The following LOC400499 variants were observed in gnomAD, a reference collection of about 807,000 sequenced individuals.
chr16:11,387,668 C>T, the LOC400499 span, among the ~76,000 whole-genome samples: 3 of 151,914 alleles, frequency 2.0e-5, no homozygotes, highest in East Asian at 5.8e-4. Flanking sequence ...CATTCTGTCG[C>T]CCAGGCTGGA....
At chr16:11,420,921 G>C in the LOC400499 span, among the ~76,000 whole-genome samples, 42 of 152,316 alleles carry the variant, frequency 2.8e-4, no homozygotes, top group Non-Finnish European at 4.1e-4. Context: ...AGGTCTGCTG[G>C]GCTCTGATCA....
At chr16:11,381,623 C>T in the LOC400499 span, among the ~76,000 whole-genome samples, 1 of 152,152 alleles carries the variant, frequency 6.6e-6, no homozygotes, top group Non-Finnish European at 1.5e-5. Context: ...TCGGTGGATC[C>T]CTTGAGTAAG....
the LOC400499 span, chr16:11,390,064 G>A: frequency 2.5e-6 from 3 of 1,190,336 alleles, no homozygotes; most frequent in Middle Eastern, 3.2e-4. Flanking sequence ...CCTGGTATGT[G>A]GCAGGCACGC....
chr16:11,478,134 G>A, the LOC400499 span: 2 of 386,080 alleles, frequency 5.2e-6, no homozygotes, highest in Non-Finnish European at 9.1e-6. Flanking sequence ...CCAACATTGG[G>A]AAACCCTGTA....
chr16:11,446,090 G>C, the LOC400499 span, among the ~76,000 whole-genome samples: 1 of 151,928 alleles, frequency 6.6e-6, no homozygotes, highest in Non-Finnish European at 1.5e-5. Flanking sequence ...CTCCCAAAGT[G>C]CTAGGATTAC....
chr16:11,479,879 A>T, the LOC400499 span, among the ~76,000 whole-genome samples: 2 of 152,082 alleles, frequency 1.3e-5, no homozygotes, highest in Non-Finnish European at 2.9e-5. Context: ...TCGTTGCTGT[A>T]TCCCCCTGGT....
At chr16:11,449,066 G>C in the LOC400499 span, 1 of 1,483,540 alleles carries the variant, frequency 6.7e-7, no homozygotes, top group Non-Finnish European at 9.0e-7. Flanking sequence ...GTTCGCTCCA[G>C]CTGTGGAAGA....
At chr16:11,452,388 G>A in the LOC400499 span, among the ~76,000 whole-genome samples, 1 of 152,118 alleles carries the variant, frequency 6.6e-6, no homozygotes, top group African/African-American at 2.4e-5. Flanking sequence ...GAAGAGAGTG[G>A]CCACTGCTGC....
chr16:11,447,004 A>G, the LOC400499 span: 4 of 1,394,518 alleles, frequency 2.9e-6, no homozygotes, highest in East Asian at 2.5e-5. Flanking sequence ...TGGGCCTGTC[A>G]CGAGCTTGCA....
the LOC400499 span, among the ~76,000 whole-genome samples, chr16:11,485,805 T>C: frequency 2.6e-5 from 4 of 152,168 alleles, no homozygotes; most frequent in Non-Finnish European, 5.9e-5. Context: ...TGGCAATGAC[T>C]GGTGAGTGGA....
At chr16:11,389,999 C>A in the LOC400499 span, 1 of 654,144 alleles carries the variant, frequency 1.5e-6, no homozygotes, top group Non-Finnish European at 2.2e-6. Context: ...AGCCCCTGGG[C>A]AGGGTGGTCA....
At chr16:11,479,773 ATC>A in the LOC400499 span, among the ~76,000 whole-genome samples, 1 of 152,164 alleles carries the variant, frequency 6.6e-6, no homozygotes, top group Admixed American at 6.5e-5. Context: ...GTATGTTTCT[ATC>A]AACTAAACTC....
the LOC400499 span, among the ~76,000 whole-genome samples, chr16:11,438,492 T>C: frequency 6.6e-6 from 1 of 150,408 alleles, no homozygotes; most frequent in African/African-American, 2.5e-5. Flanking sequence ...CTATCAGGGC[T>C]GGGCGCATTG....
chr16:11,424,262 C>T, the LOC400499 span: 9 of 397,188 alleles, frequency 2.3e-5, no homozygotes, highest in East Asian at 1.8e-4. Context: ...GCTGAGCCCC[C>T]GCGTTCCACA....
the LOC400499 span, chr16:11,450,610 C>T: frequency 5.9e-6 from 9 of 1,535,842 alleles, no homozygotes; most frequent in South Asian, 1.2e-5. Context: ...ACTGCTCACC[C>T]GGAGGTAGGT....
the LOC400499 span, among the ~76,000 whole-genome samples, chr16:11,521,022 C>T: frequency 6.6e-6 from 1 of 152,210 alleles, no homozygotes; most frequent in East Asian, 1.9e-4. Flanking sequence ...TGAAAACTGG[C>T]CCTGCAGATA....
chr16:11,393,343 C>A, the LOC400499 span: 1 of 1,227,156 alleles, frequency 8.1e-7, no homozygotes, highest in Non-Finnish European at 1.0e-6. Context: ...CTTGAGCCAA[C>A]AGGGGCCGTG....
At chr16:11,410,676 C>T in the LOC400499 span, among the ~76,000 whole-genome samples, 1 of 150,314 alleles carries the variant, frequency 6.7e-6, no homozygotes, top group Non-Finnish European at 1.5e-5. Context: ...CAGATGTAAC[C>T]ATTCATGCAT....
At chr16:11,511,947 G>C in the LOC400499 span, among the ~76,000 whole-genome samples, 3 of 152,216 alleles carry the variant, frequency 2.0e-5, no homozygotes, top group East Asian at 5.8e-4. Context: ...GACCCCAGGA[G>C]GCCAAGGTAC....
Sources: gnomAD v4.1 joint callset for allele counts (sites outside exome capture counted in the v4.1 genomes callset) on GRCh38, gnomAD v4.1.1 for gene constraint, MANE v1.5 for transcripts.